Variants in AACS observed in about 807,000 individuals in gnomAD.
The protein encoded by AACS is acetoacetyl-CoA synthetase.
In AACS, 69 loss-of-function variants were observed where a neutral mutation model predicts 83.1. The observed-to-expected ratio is 0.83, with a 90% CI of 0.68 to 1.01. AACS has a LOEUF of 1.01. AACS is among the 50% of genes least tolerant of loss of function. The pLI, the probability that AACS is intolerant of heterozygous loss-of-function variation, is 0.00. For missense variants in AACS, 866 were observed against 882.2 expected (o/e 0.98, Z 0.23); for synonymous variants, 333 against 343.4 (o/e 0.97, Z 0.33).
intron 14 of AACS, among the ~76,000 whole-genome samples, chr12:125,131,162 AG>A (rs371852701): frequency 1.4e-3 from 215 of 152,300 alleles, no homozygotes; most frequent in African/African-American, 4.9e-3. Flanking sequence ...GATGTTAGTA[AG>A]TGAAAATGAG....
chr12:125,074,837 T>G (rs1368568156), intron 2 of AACS, among the ~76,000 whole-genome samples: 2 of 151,436 alleles, frequency 1.3e-5, no homozygotes, highest in Non-Finnish European at 2.9e-5. Flanking sequence ...CTAATTTTTG[T>G]ATTTTTAGTA....
chr12:125,099,768 C>T (rs571726179), intron 5 of AACS, among the ~76,000 whole-genome samples: 1 of 152,124 alleles, frequency 6.6e-6, no homozygotes, highest in Non-Finnish European at 1.5e-5. Flanking sequence ...CTCTGCCTCC[C>T]GGGCTCAAGC....
intron 10 of AACS, chr12:125,123,941 C>T (rs929681590): frequency 3.3e-5 from 5 of 152,222 alleles, no homozygotes; most frequent in Non-Finnish European, 2.9e-5. Context: ...ACGGTGGATT[C>T]TGAATGTTCA....
Position 125,136,819 on chromosome 12 carries a change from T to G in AACS, c.1836T>G (p.Ser612=). 1 of 1,613,968 alleles carries G rather than the reference T, an allele frequency of 6.2e-7. No individual in the cohort carries two copies. The highest frequency in any genetic ancestry group is 8.5e-7 in the Non-Finnish European group (1 of 1,180,030). ...RIRDAIRMGL[S]ARHVPSLILE... is the part of the protein sequence containing the mutation. ...GTGACGCCATCCGCATGGGCTTGTCTGCGCGACACGTGCCCAGCCTCATCC... is the reference window on the plus strand; with the variant it reads ...GTGACGCCATCCGCATGGGCTTGTCGGCGCGACACGTGCCCAGCCTCATCC... Residue 612 remains serine (S), a synonymous_variant, in exon 17 of 18, where the codon TCT becomes TCG. Coordinates refer to ENST00000316519, the MANE Select transcript of AACS (RefSeq NM_023928.5).
chr12:125,085,894 G>A (rs1460990590), intron 3 of AACS, among the ~76,000 whole-genome samples: 1 of 152,078 alleles, frequency 6.6e-6, no homozygotes, highest in East Asian at 1.9e-4. Flanking sequence ...TGGCTCACGT[G>A]ATCCTTTGCC....
chr12:125,135,097 C>T (rs763895976), intron 16 of AACS, among the ~76,000 whole-genome samples: 3 of 152,008 alleles, frequency 2.0e-5, no homozygotes, highest in South Asian at 2.1e-4. Flanking sequence ...CTCATCCTCC[C>T]GGTGAGCTCT....
rs765336206 is a variant in AACS, at chr12:125,134,039, C to T, written c.1586C>T (p.Pro529Leu). The T allele has an allele frequency of 3.1e-6, 5 of 1,614,156 alleles. No individual in the cohort carries two copies. Among genetic ancestry groups the T allele is most frequent in the Non-Finnish European group, 4.2e-6 (5 of 1,180,018 alleles). The change falls in exon 15 of 18, where the codon CCC (proline) becomes CTC (leucine). Residue 529 changes from proline to leucine, a missense_variant. By Grantham distance (98) the Pro-to-Leu change is moderately conservative. Coordinates refer to ENST00000316519, the MANE Select transcript of AACS (RefSeq NM_023928.5). The part of the protein sequence containing the change: ...WAHGDYCRIN[P>L]KTGGIVMLGR... Reference sequence around the variant, plus strand: ...CATGGCGACTACTGCAGAATCAACCCCAAGACCGGGGGCATCGTCATGCTT... The same window carrying T: ...CATGGCGACTACTGCAGAATCAACCTCAAGACCGGGGGCATCGTCATGCTT...
chr12:125,131,324 G>A (rs1329213063), intron 14 of AACS, among the ~76,000 whole-genome samples: 5 of 152,060 alleles, frequency 3.3e-5, no homozygotes, highest in Admixed American at 1.3e-4. Flanking sequence ...GGATCCTCCC[G>A]CCTCAGCCTC....
chr12:125,137,180 TTTTTA>T (rs1565957509), intron 17 of AACS, among the ~76,000 whole-genome samples: 1 of 152,192 alleles, frequency 6.6e-6, no homozygotes, highest in African/African-American at 2.4e-5. Flanking sequence ...AACTTTTTAT[TTTTTA>T]TTTTATTTTT....
chr12:125,142,093 A>G lies in AACS; in HGVS notation c.1883A>G (p.Tyr628Cys). The G allele has an allele frequency of 6.2e-7, 1 of 1,614,044 alleles. No individual in the cohort carries two copies. The highest frequency in any genetic ancestry group is 1.3e-5 in the African/African-American group (1 of 74,996). ...SLILETKGIP[Y>C]TLNGKKVEVA... Reference sequence around the variant, plus strand: ...TGTTTTTCTACCTTTCCCTCGCAGTATACGCTCAACGGCAAGAAAGTGGAA... The same window carrying G: ...TGTTTTTCTACCTTTCCCTCGCAGTGTACGCTCAACGGCAAGAAAGTGGAA... The change falls in exon 18 of 18, where the codon TAT (tyrosine) becomes TGT (cysteine). Residue 628 changes from tyrosine to cysteine, a missense_variant and splice_region_variant. Coordinates refer to ENST00000316519, the MANE Select transcript of AACS (RefSeq NM_023928.5).
Position 125,118,720 on chromosome 12 carries a change from T to A in AACS, c.1076T>A (p.Leu359Gln). Residue 359 changes from leucine to glutamine, a missense_variant, in exon 10 of 18, where the codon CTG becomes CAG. Leu to Gln is a moderately radical substitution (Grantham distance 113, BLOSUM62 -2). Transcript: ENST00000316519. The part of the protein sequence containing the change: ...AAMVLYDGSP[L>Q]VPTPNVLWDL... Reference sequence around the variant, plus strand: ...ATGGTCTTGTACGATGGCTCCCCCCTGGTGCCCACGCCCAATGTGCTCTGG... The same window carrying A: ...ATGGTCTTGTACGATGGCTCCCCCCAGGTGCCCACGCCCAATGTGCTCTGG... 1 of 1,614,128 alleles carries A rather than the reference T, an allele frequency of 6.2e-7. No homozygotes were observed. Among genetic ancestry groups the A allele is most frequent in the Non-Finnish European group, 8.5e-7 (1 of 1,179,964 alleles).
chr12:125,133,303 A>G (rs1957353728), intron 14 of AACS, among the ~76,000 whole-genome samples: 1 of 152,174 alleles, frequency 6.6e-6, no homozygotes, highest in Admixed American at 6.5e-5. Context: ...TAGAGGCGGC[A>G]TCCAAATCTG....
intron 8 of AACS, among the ~76,000 whole-genome samples, chr12:125,110,164 C>T (rs1177877562): frequency 2.0e-5 from 3 of 147,432 alleles, no homozygotes; most frequent in Non-Finnish European, 4.4e-5. Flanking sequence ...GGATTATAGG[C>T]GCCCGCGACC....
intron 1 of AACS, among the ~76,000 whole-genome samples, chr12:125,066,772 G>T (rs1258786837): frequency 6.6e-6 from 1 of 151,922 alleles, no homozygotes; most frequent in African/African-American, 2.4e-5. Context: ...TTAACTCATG[G>T]TCTCCCCTCC....
At chr12:125,088,435 G>A (rs1418709679) in intron 4 of AACS, among the ~76,000 whole-genome samples, 2 of 151,948 alleles carry the variant, frequency 1.3e-5, no homozygotes, top group African/African-American at 2.4e-5. Context: ...GTCTTGCTAT[G>A]TTGTCCAGGC....
chr12:125,090,692 C>T (rs867495838), intron 4 of AACS, among the ~76,000 whole-genome samples: 2 of 142,654 alleles, frequency 1.4e-5, no homozygotes, highest in South Asian at 2.1e-4. Flanking sequence ...TTCATTCATC[C>T]ATCCATCCTC....
intron 9 of AACS, 143 bp from the exon 10 acceptor site, chr12:125,118,498 G>A (rs1287939446): frequency 9.1e-6 from 10 of 1,096,052 alleles, no homozygotes; most frequent in Non-Finnish European, 1.3e-5. Context: ...CCGGGCCAGA[G>A]TGTCCTGCAT....
In AACS at chr12:125,142,975, A is replaced by T. The variant is rs1957525405; in HGVS notation, c.*746A>T. On this transcript the variant is annotated 3_prime_UTR_variant, in exon 18 of 18. Transcript: ENST00000316519. ...CGTGTCCCTCATGGGTGAGCCCTCC[A>T]GCTGTGAGCCCAGGCAGTGTGGTCA... The T allele has an allele frequency of 6.6e-6, 1 of 152,248 alleles. No homozygotes were observed. Among genetic ancestry groups the T allele is most frequent in the Non-Finnish European group, 1.5e-5 (1 of 68,046 alleles). 9.4% of individuals were successfully genotyped at this position (152,248 alleles called of 1,614,324 possible).
At chr12:125,136,627 C>T (rs368909241) in intron 16 of AACS, 35 bp from the exon 17 acceptor site, 2 of 1,599,606 alleles carry the variant, frequency 1.3e-6, no homozygotes, top group South Asian at 1.1e-5. Context: ...TGAGGGGCCC[C>T]CTGCGTGAAT....
Sources: gnomAD v4.1 joint callset for allele counts (sites outside exome capture counted in the v4.1 genomes callset) on GRCh38, gnomAD v4.1.1 for gene constraint, MANE v1.5 for transcripts, NCBI Gene and HGNC (gene_info 2026-07-23, HGNC 2026-07-21) for gene names.